The following SLC14A2 variants were observed in gnomAD, a reference collection of about 807,000 sequenced individuals.
SLC14A2 encodes urea transporter 2.
SLC14A2 carries 91 observed loss-of-function variants against 104.6 expected under a neutral mutation model. The ratio of observed to expected loss-of-function variants is 0.87; its 90% CI spans 0.73 to 1.04. The LOEUF (loss-of-function observed/expected upper bound fraction) is 1.04, where lower values mean the gene tolerates loss of function less well. Ranked by LOEUF, SLC14A2 falls within the 50% of genes least tolerant of loss-of-function variation. SLC14A2 has a pLI of 0.00. For synonymous variants in SLC14A2, 476 were observed against 466.4 expected (o/e 1.02, Z -0.27); for missense variants, 1,189 against 1,156.0 (o/e 1.03, Z -0.41).
At chr18:45,441,031 C>T (rs1319768160) in intron 1 of SLC14A2, among the ~76,000 whole-genome samples, 1 of 152,074 alleles carries the variant, frequency 6.6e-6, no homozygotes. Flanking sequence ...CCTATTTTTG[C>T]CCAATCTCTG....
the SLC14A2 span, among the ~76,000 whole-genome samples, chr18:45,182,483 A>G: frequency 1.4e-4 from 21 of 151,912 alleles, no homozygotes; most frequent in Non-Finnish European, 1.8e-4. Flanking sequence ...TGAAAAGATA[A>G]ATAATTCTCA....
At chr18:45,638,102 G>T (rs1406040900) in intron 6 of SLC14A2, among the ~76,000 whole-genome samples, 1 of 152,154 alleles carries the variant, frequency 6.6e-6, no homozygotes, top group African/African-American at 2.4e-5. Flanking sequence ...TGGAAAGGTG[G>T]ACGTGAACTC....
intron 1 of SLC14A2, among the ~76,000 whole-genome samples, chr18:45,359,486 G>A (rs1029018534): frequency 3.3e-5 from 5 of 152,198 alleles, no homozygotes; most frequent in African/African-American, 1.2e-4. Flanking sequence ...GGCCCAGGCT[G>A]CATTCCTCAG....
Position 45,648,416 on chromosome 18 carries a change from A to G in SLC14A2, c.1351+4256A>G, listed in dbSNP as rs537320146. Among the ~76,000 whole-genome samples, 7 of 152,166 alleles carry G rather than the reference A, an allele frequency of 4.6e-5. No homozygotes were observed. The South Asian group carries it at 1.5e-3, about 32-fold the overall frequency. ...GAGATGGGGTTTCACCGTGTTAGCCAGGATGGTCTCGATCTCCTGACCTCG... is the reference window on the plus strand; with the variant it reads ...GAGATGGGGTTTCACCGTGTTAGCCGGGATGGTCTCGATCTCCTGACCTCG... On this transcript the variant is annotated intron_variant, in intron 10 of 19. Transcript: ENST00000255226.
rs147078303 is a variant in SLC14A2, at chr18:45,408,475, G to A, written c.-124-74758G>A. ...ACACCTTCCCTGAATAGAGTACCAT[G>A]AGATGACATGGTGTGTCTGAATGAC... On this transcript the variant is annotated intron_variant, in intron 1 of 20. Transcript: ENST00000586448. Among the ~76,000 whole-genome samples the A allele has an allele frequency of 9.8e-3, 1,495 of 152,260 alleles. 16 individuals carry two copies. The highest frequency in any genetic ancestry group is 0.024 in the African/African-American group (995 of 41,542).
intron 1 of SLC14A2, among the ~76,000 whole-genome samples, chr18:45,234,976 C>T (rs1033033592): frequency 5.9e-5 from 9 of 151,988 alleles, no homozygotes; most frequent in Middle Eastern, 3.2e-3. Context: ...GCAGGTAGAA[C>T]TTTAGGTGTT....
intron 1 of SLC14A2, among the ~76,000 whole-genome samples, chr18:45,348,065 A>G (rs982057876): frequency 3.3e-5 from 5 of 152,230 alleles, no homozygotes; most frequent in Non-Finnish European, 5.9e-5. Flanking sequence ...GCTCCTTGCC[A>G]TCATGATGGC....
chr18:45,245,453 G>C (rs1363241078), intron 1 of SLC14A2, among the ~76,000 whole-genome samples: 1 of 152,096 alleles, frequency 6.6e-6, no homozygotes, highest in Non-Finnish European at 1.5e-5. Flanking sequence ...ATAATTATCT[G>C]ATCTCTTGAA....
chr18:45,654,362 G>A (rs995259234), intron 10 of SLC14A2, among the ~76,000 whole-genome samples: 2 of 152,116 alleles, frequency 1.3e-5, no homozygotes, highest in Admixed American at 6.5e-5. Context: ...GACCAGAGAC[G>A]CCGCCCAATC....
At position 45,668,359 on chromosome 18, in the gene SLC14A2, G is replaced by A. The variant is rs758687472; in HGVS notation, c.1918G>A (p.Ala640Thr). ...LILSQDKSAIAAGFHGYNGVL... is the reference protein window; with the variant it reads ...LILSQDKSAITAGFHGYNGVL... ...TCCCTCTCCTGCCAGGTCGGCCATC[G>A]CTGCAGGATTTCACGGCTACAATGG... Residue 640 changes from alanine to threonine, a missense_variant, in exon 15 of 20, where the codon GCT becomes ACT. By Grantham distance (58) the Ala-to-Thr change is moderately conservative (BLOSUM62 0). Transcript: ENST00000255226. 66 of 1,613,942 alleles carry A rather than the reference G, an allele frequency of 4.1e-5. No homozygotes were observed. In the East Asian group the frequency reaches 1.1e-3, roughly 26 times the overall value.
At chr18:45,645,880 T>C (rs144400405) in intron 10 of SLC14A2, among the ~76,000 whole-genome samples, 213 of 152,244 alleles carry the variant, frequency 1.4e-3, no homozygotes, top group African/African-American at 4.9e-3. Flanking sequence ...ACAGTCTACA[T>C]ACTAATGCTT....
intron 2 of SLC14A2, among the ~76,000 whole-genome samples, chr18:45,569,129 T>G (rs1229950664): frequency 1.2e-4 from 19 of 152,292 alleles, no homozygotes; most frequent in African/African-American, 4.6e-4. Context: ...GCATGGGCCT[T>G]CAATTTCACC....
intron 10 of SLC14A2, among the ~76,000 whole-genome samples, chr18:45,656,601 C>T (rs181945412): frequency 1.2e-3 from 180 of 152,258 alleles, no homozygotes; most frequent in African/African-American, 4.3e-3. Context: ...AGGGTAGGAA[C>T]AGTGAGAAGA....
chr18:45,362,358 T>C (rs1404772468), intron 1 of SLC14A2, among the ~76,000 whole-genome samples: 1 of 152,228 alleles, frequency 6.6e-6, no homozygotes, highest in Non-Finnish European at 1.5e-5. Flanking sequence ...TGGCTGCCAG[T>C]TGATCTCCTC....
At chr18:45,466,284 G>T (rs910912429) in intron 1 of SLC14A2, among the ~76,000 whole-genome samples, 2 of 151,924 alleles carry the variant, frequency 1.3e-5, no homozygotes, top group Non-Finnish European at 2.9e-5. Context: ...AGAAAAGAAG[G>T]GGGTAGAGGG....
intron 1 of SLC14A2, among the ~76,000 whole-genome samples, chr18:45,458,465 C>G (rs1430622065): frequency 2.0e-5 from 3 of 152,150 alleles, no homozygotes; most frequent in African/African-American, 7.2e-5. Flanking sequence ...AGAAGTCTTT[C>G]CTTCCGGCTG....
At chr18:45,294,560 C>T (rs1346016197) in intron 1 of SLC14A2, among the ~76,000 whole-genome samples, 1 of 152,194 alleles carries the variant, frequency 6.6e-6, no homozygotes, top group Non-Finnish European at 1.5e-5. Flanking sequence ...AACTAATATG[C>T]AATGTGGCAT....
At chr18:45,522,830 TATC>T (rs1386733510) in intron 2 of SLC14A2, among the ~76,000 whole-genome samples, 2 of 152,180 alleles carry the variant, frequency 1.3e-5, no homozygotes, top group Non-Finnish European at 2.9e-5. Context: ...TAGAAAATCA[TATC>T]ACCAAACCAG....
intron 1 of SLC14A2, among the ~76,000 whole-genome samples, chr18:45,215,784 A>G (rs16978307): frequency 0.12 from 18,811 of 152,232 alleles, 1,360 homozygotes; most frequent in African/African-American, 0.2. Flanking sequence ...ACTAAGCCCT[A>G]TGACTTTCCC....
Sources: gnomAD v4.1 joint callset for allele counts (sites outside exome capture counted in the v4.1 genomes callset) on GRCh38, gnomAD v4.1.1 for gene constraint, MANE v1.5 for transcripts, NCBI Gene and HGNC (gene_info 2026-07-23, HGNC 2026-07-21) for gene names.